The following PTPRO variants were observed in gnomAD, a reference collection of about 807,000 sequenced individuals.
PTPRO encodes the protein receptor-type tyrosine-protein phosphatase O.
A neutral mutation model predicts 145.2 loss-of-function variants in PTPRO; 62 were observed. The ratio of observed to expected loss-of-function variants is 0.43; its 90% CI spans 0.35 to 0.53. PTPRO has a LOEUF of 0.53. PTPRO is among the 20% of genes least tolerant of loss of function. The pLI is 0.01. For missense variants in PTPRO, 1,345 were observed against 1,482.7 expected (o/e 0.91, Z 1.53); for synonymous variants, 565 against 514.7 (o/e 1.10, Z -1.32).
intron 1 of PTPRO, among the ~76,000 whole-genome samples, chr12:15,430,120 A>C (rs1427072230): frequency 6.6e-6 from 1 of 152,086 alleles, no homozygotes; most frequent in East Asian, 1.9e-4. Context: ...AACACCGAGA[A>C]AATAGCAAGC....
chr12:15,322,921 G>C lies in PTPRO; in HGVS notation c.75+120G>C. ...GCACGATGGCCCAGCCGCGGGAAGC[G>C]CCTGCCGTGCAGCCTGGGCGCACGC... On this transcript the variant is annotated intron_variant, in intron 1 of 26. Coordinates refer to ENST00000281171, the MANE Select transcript of PTPRO (RefSeq NM_030667.3). This position sits in a 1 kb window ranked among gnomAD's most constrained non-coding sequence, Gnocchi z 6.3. The C allele has an allele frequency of 1.0e-6, 1 of 964,120 alleles. No homozygotes were observed. The highest frequency in any genetic ancestry group is 1.5e-6 in the Non-Finnish European group (1 of 650,038). The allele number at this position is 964,120 out of a possible 1,614,324, so 59.7% of individuals were successfully genotyped here.
chr12:15,417,321 T>C (rs1018198390), intron 1 of PTPRO, among the ~76,000 whole-genome samples: 1 of 151,798 alleles, frequency 6.6e-6, no homozygotes, highest in African/African-American at 2.4e-5. Flanking sequence ...ACCGTCTGTA[T>C]AAGGTATCAA....
chr12:15,524,181 G>C (rs959035516), intron 10 of PTPRO, among the ~76,000 whole-genome samples: 2 of 120,162 alleles, frequency 1.7e-5, no homozygotes, highest in African/African-American at 6.2e-5. Context: ...AAAAAAACTT[G>C]TTCTTCCCTT....
chr12:15,379,614 A>G (rs977511769), intron 1 of PTPRO, among the ~76,000 whole-genome samples: 4 of 152,156 alleles, frequency 2.6e-5, no homozygotes, highest in Non-Finnish European at 5.9e-5. Flanking sequence ...GCAATAAAAA[A>G]TGAATTACTG....
chr12:15,324,538 A>T (rs543580949), intron 1 of PTPRO, among the ~76,000 whole-genome samples: 1 of 152,338 alleles, frequency 6.6e-6, no homozygotes, highest in East Asian at 1.9e-4. Flanking sequence ...TGAACATTGC[A>T]GGTAAATGTA....
chr12:15,411,408 A>AT (rs979665842), intron 1 of PTPRO, among the ~76,000 whole-genome samples: 4 of 152,190 alleles, frequency 2.6e-5, no homozygotes, highest in Admixed American at 2.0e-4. Context: ...GAGCAGTCCC[A>AT]TTTTTTACTT....
chr12:15,339,897 T>C (rs545868796), intron 1 of PTPRO, among the ~76,000 whole-genome samples: 90 of 152,332 alleles, frequency 5.9e-4, no homozygotes, highest in African/African-American at 2.1e-3. Flanking sequence ...CTCACCATTA[T>C]GTACATAACC....
At chr12:15,496,547 G>C (rs528339470) in intron 2 of PTPRO, among the ~76,000 whole-genome samples, 6 of 152,222 alleles carry the variant, frequency 3.9e-5, no homozygotes, top group Non-Finnish European at 7.4e-5. Flanking sequence ...GAGTGGGAGG[G>C]GGAGGAGAGG....
At chr12:15,444,585 C>T (rs765932059) in intron 1 of PTPRO, among the ~76,000 whole-genome samples, 9 of 152,022 alleles carry the variant, frequency 5.9e-5, no homozygotes, top group South Asian at 2.1e-4. Flanking sequence ...TCCCCTCCCC[C>T]GCCCAAATTT....
At chr12:15,500,764 A>G (rs1376436291) in intron 4 of PTPRO, among the ~76,000 whole-genome samples, 6 of 152,096 alleles carry the variant, frequency 3.9e-5, no homozygotes, top group African/African-American at 1.4e-4. Context: ...TCTACTAAGA[A>G]TACAAATATT....
chr12:15,483,899 A>C, intron 1 of PTPRO, 75 bp from the exon 2 acceptor site: 17 of 1,481,350 alleles, frequency 1.1e-5, no homozygotes, highest in Non-Finnish European at 1.6e-5. Flanking sequence ...ATATGTAAAA[A>C]TTATCTTAGC....
At chr12:15,358,138 A>G (rs532575362) in intron 1 of PTPRO, among the ~76,000 whole-genome samples, 9 of 150,552 alleles carry the variant, frequency 6.0e-5, no homozygotes, top group Non-Finnish European at 1.3e-4. Context: ...TCGCAAGGAC[A>G]AAAAACCAAA....
chr12:15,467,741 T>C (rs73059064), intron 1 of PTPRO, among the ~76,000 whole-genome samples: 6,399 of 152,298 alleles, frequency 0.042, 168 homozygotes, highest in Non-Finnish European at 0.068. Flanking sequence ...CATTCATTCT[T>C]ATAAATTCTT....
At chr12:15,508,864 G>T (rs1942377328) in intron 7 of PTPRO, 97 bp downstream of exon 7, 1 of 1,263,572 alleles carries the variant, frequency 7.9e-7, no homozygotes, top group Non-Finnish European at 1.1e-6. Context: ...CCAGGCTGAG[G>T]TCTGCTGGGA....
chr12:15,568,856 C>G (rs1943969458), intron 18 of PTPRO, among the ~76,000 whole-genome samples: 1 of 152,190 alleles, frequency 6.6e-6, no homozygotes, highest in Non-Finnish European at 1.5e-5. Flanking sequence ...CCCACTGATC[C>G]TGCCTCTGCT....
intron 1 of PTPRO, among the ~76,000 whole-genome samples, chr12:15,474,410 G>T (rs555247522): frequency 6.6e-6 from 1 of 152,244 alleles, no homozygotes; most frequent in South Asian, 2.1e-4. Flanking sequence ...GAAGCCAAGT[G>T]CCCAGACCCC....
At chr12:15,423,731 C>CA (rs2091577661) in intron 1 of PTPRO, among the ~76,000 whole-genome samples, 1 of 152,188 alleles carries the variant, frequency 6.6e-6, no homozygotes, top group African/African-American at 2.4e-5. Flanking sequence ...TTTCTTTCAA[C>CA]ATGATGCTGA....
chr12:15,550,857 C>T lies in PTPRO; in HGVS notation c.2438-694C>T, dbSNP rs527548827. On this transcript the variant is annotated intron_variant, in intron 14 of 26. Transcript: ENST00000281171. ...TCCTGCCTTTGATATCCTGTTCTTC[C>T]GTGTAGTATGAAGAAGTAGACAATG... 4.6e-5 allele frequency among the ~76,000 whole-genome samples: 7 copies of T among 152,144 alleles called. No homozygotes were observed. The East Asian group carries it at 9.7e-4, about 21-fold the overall frequency.
At chr12:15,469,808 T>C (rs1258412134) in intron 1 of PTPRO, among the ~76,000 whole-genome samples, 1 of 151,020 alleles carries the variant, frequency 6.6e-6, no homozygotes, top group Non-Finnish European at 1.5e-5. Flanking sequence ...AAAATGTGTA[T>C]GTCTCAAAGA....
Sources: allele counts gnomAD v4.1 joint callset (sites outside exome capture counted in the v4.1 genomes callset), GRCh38; gene constraint gnomAD v4.1.1; non-coding constraint Gnocchi (gnomAD v3.1); transcripts MANE v1.5; gene names NCBI Gene and HGNC (gene_info 2026-07-23, HGNC 2026-07-21).